MAGI2: variants seen among roughly 807,000 people sequenced by gnomAD.
The protein encoded by MAGI2 is membrane associated guanylate kinase, WW and PDZ domain containing 2.
Under a neutral mutation model 133.3 loss-of-function variants are expected in MAGI2, and 35 were observed. The ratio of observed to expected loss-of-function variants is 0.26; its 90% confidence interval spans 0.20 to 0.35. The LOEUF (loss-of-function observed/expected upper bound fraction) is 0.35. Ranked by LOEUF, MAGI2 falls within the 10% of genes least tolerant of loss-of-function variation. The probability of loss-of-function intolerance (pLI) is 1.00; values close to 1 mark genes in which losing one functional copy is unlikely to be tolerated. For missense variants in MAGI2, 1,636 were observed against 1,863.4 expected, an observed-to-expected ratio of 0.88 and a Z score of 2.25; for synonymous variants, 729 against 710.6, an observed-to-expected ratio of 1.03 and a Z score of -0.41.
At chr7:78,766,279 A>C (rs2151309779) in intron 2 of MAGI2, among the ~76,000 whole-genome samples, 1 of 152,354 alleles carries the variant, frequency 6.6e-6, no homozygotes, top group African/African-American at 2.4e-5. Flanking sequence ...GGAGAAAGAT[A>C]GAAACTTCAG....
chr7:78,369,079 A>G, intron 7 of MAGI2, 77 bp downstream of exon 7: 1 of 1,044,414 alleles, frequency 9.6e-7, no homozygotes, highest in Non-Finnish European at 1.4e-6. Flanking sequence ...TGTGAGCCAC[A>G]CATGCTCAAT....
intron 1 of MAGI2, among the ~76,000 whole-genome samples, chr7:79,046,018 T>A (rs1812148541): frequency 6.6e-6 from 1 of 152,188 alleles, no homozygotes; most frequent in African/African-American, 2.4e-5. Context: ...GGGAAAAATT[T>A]GAGTGAGGGA....
At chr7:78,553,701 G>T (rs556661315) in intron 3 of MAGI2, among the ~76,000 whole-genome samples, 2 of 152,176 alleles carry the variant, frequency 1.3e-5, no homozygotes, top group Non-Finnish European at 2.9e-5. Context: ...TGACACAAGC[G>T]TTTGTGCAGA....
At chr7:78,030,649 T>C (rs536554046) in intron 21 of MAGI2, among the ~76,000 whole-genome samples, 42 of 152,164 alleles carry the variant, frequency 2.8e-4, no homozygotes, top group African/African-American at 8.9e-4. Context: ...ACATCAGTAG[T>C]AGAAAAATAA....
At chr7:78,630,413 CTTTTTTTTTT>C (rs35696228) in intron 2 of MAGI2, among the ~76,000 whole-genome samples, 1 of 112,342 alleles carries the variant, frequency 8.9e-6, no homozygotes, top group African/African-American at 3.5e-5. Flanking sequence ...TTGTGTTTAA[CTTTTTTTTTT>C]TTTTTTTTTT....
At position 79,120,838 on chromosome 7, in the gene MAGI2, A is replaced by T. The variant is rs565367936; in HGVS notation, c.302-113632T>A. Among the ~76,000 whole-genome samples the T allele has an allele frequency of 2.0e-5, 3 of 152,206 alleles. No individual in the cohort carries two copies. In the South Asian group the frequency reaches 6.2e-4, roughly 32 times the overall value. ...TGCCGCACTTTTCTCACCAAAGTAT[A>T]AAAACCGAAACTACTTCTCTCCCAT... On this transcript the variant is annotated intron_variant, in intron 1 of 21. Coordinates refer to ENST00000354212, the MANE Select transcript of MAGI2 (RefSeq NM_012301.4).
intron 10 of MAGI2, among the ~76,000 whole-genome samples, chr7:78,222,012 T>G (rs1788880928): frequency 6.6e-6 from 1 of 151,858 alleles, no homozygotes; most frequent in Non-Finnish European, 1.5e-5. Context: ...ATTGCATGAC[T>G]GTACTTCAGC....
At chr7:78,974,264 C>G (rs907223015) in intron 2 of MAGI2, among the ~76,000 whole-genome samples, 4 of 151,346 alleles carry the variant, frequency 2.6e-5, no homozygotes, top group Non-Finnish European at 4.4e-5. Context: ...AAATATCAAG[C>G]CTCTTTCGGG....
Position 78,847,351 on chromosome 7 carries a change from G to C in MAGI2, c.418+159739C>G, listed in dbSNP as rs140778736. Reference sequence around the variant, plus strand: ...AATGATCACTCCATAAACTAAAAAGGCTCGTGGCTTGCGAGGGGTACTAGT... The same window carrying C: ...AATGATCACTCCATAAACTAAAAAGCCTCGTGGCTTGCGAGGGGTACTAGT... On this transcript the variant is annotated intron_variant, in intron 2 of 21. Transcript: ENST00000354212. Among the ~76,000 whole-genome samples, 357 of 152,008 alleles carry C rather than the reference G, an allele frequency of 2.3e-3. 3 individuals carry two copies. The highest frequency in any genetic ancestry group is 8.1e-3 in the African/African-American group (338 of 41,532).
chr7:78,169,227 T>A (rs1316779663), intron 14 of MAGI2, among the ~76,000 whole-genome samples: 1 of 152,264 alleles, frequency 6.6e-6, no homozygotes, highest in Non-Finnish European at 1.5e-5. Context: ...ATTTTAATTT[T>A]GCTGTTTAAC....
At chr7:78,957,591 A>C (rs753520429) in intron 2 of MAGI2, among the ~76,000 whole-genome samples, 6 of 152,282 alleles carry the variant, frequency 3.9e-5, no homozygotes, top group Non-Finnish European at 7.4e-5. Context: ...TAATAGACCA[A>C]AACCTGTTTG....
intron 7 of MAGI2, chr7:78,348,324 T>G (rs1483948077): frequency 6.6e-6 from 1 of 152,244 alleles, no homozygotes; most frequent in Non-Finnish European, 1.5e-5. Flanking sequence ...CACGGGTTGC[T>G]GTGAGGATAA....
At chr7:78,054,195 A>G (rs6948629) in intron 21 of MAGI2, among the ~76,000 whole-genome samples, 27,189 of 151,730 alleles carry the variant, frequency 0.18, 3,523 homozygotes, top group African/African-American at 0.36. Flanking sequence ...GTGTGATCTC[A>G]GCTCACTGCA....
intron 2 of MAGI2, among the ~76,000 whole-genome samples, chr7:78,652,437 A>G (rs1001737916): frequency 1.3e-5 from 2 of 152,140 alleles, no homozygotes; most frequent in African/African-American, 4.8e-5. Flanking sequence ...ATATACAGAC[A>G]AATGGAACAG....
intron 9 of MAGI2, among the ~76,000 whole-genome samples, chr7:78,302,527 T>G (rs1354218695): frequency 1.3e-5 from 2 of 152,194 alleles, no homozygotes; most frequent in African/African-American, 4.8e-5. Flanking sequence ...GCTTTCTCTA[T>G]TCTGCTTCTG....
At chr7:78,109,021 C>T (rs919007616) in intron 20 of MAGI2, among the ~76,000 whole-genome samples, 5 of 151,678 alleles carry the variant, frequency 3.3e-5, no homozygotes, top group Non-Finnish European at 7.4e-5. Flanking sequence ...AAAGAAAATC[C>T]GGGCTGGGCG....
intron 1 of MAGI2, among the ~76,000 whole-genome samples, chr7:79,168,643 C>T (rs2049738506): frequency 6.6e-6 from 1 of 151,696 alleles, no homozygotes; most frequent in Non-Finnish European, 1.5e-5. Flanking sequence ...AGGTCAGTTG[C>T]CTTTGGAATG....
At chr7:79,011,924 C>CCTTCCTTCCTTCCTTTCTTTCTTT (rs1413880167) in intron 1 of MAGI2, among the ~76,000 whole-genome samples, 43 of 121,282 alleles carry the variant, frequency 3.5e-4, no homozygotes, top group Admixed American at 2.5e-3. Flanking sequence ...TTCCTTCCTT[C>CCTTCCTTCCTTCCTTTCTTTCTTT]CTTTCTTTCT....
intron 3 of MAGI2, among the ~76,000 whole-genome samples, chr7:78,608,451 A>G (rs1179390366): frequency 2.7e-5 from 4 of 149,542 alleles, no homozygotes; most frequent in East Asian, 2.0e-4. Context: ...ATATATATGT[A>G]TATATATATG....
Sources: gnomAD v4.1 joint callset for allele counts (sites outside exome capture counted in the v4.1 genomes callset) on GRCh38, gnomAD v4.1.1 for gene constraint, MANE v1.5 for transcripts, NCBI Gene and HGNC (gene_info 2026-07-23, HGNC 2026-07-21) for gene names.